LDLRAD3: variants seen among roughly 807,000 people sequenced by gnomAD.
The protein encoded by LDLRAD3 is low density lipoprotein receptor class A domain containing 3, also known as low-density lipoprotein receptor class A domain-containing protein 3.
In LDLRAD3, 20 loss-of-function variants were observed where a neutral mutation model predicts 29.4. That is an observed-to-expected ratio of 0.68 (90% CI 0.48 to 0.99). The LOEUF (loss-of-function observed/expected upper bound fraction) is 0.99, where lower values mean the gene tolerates loss of function less well. Among genes scored for constraint, LDLRAD3 ranks in the 50% least tolerant of loss-of-function variants. The probability of loss-of-function intolerance (pLI) is 0.00; values close to 1 mark genes in which losing one functional copy is unlikely to be tolerated. For missense variants in LDLRAD3, 420 were observed against 454.3 expected (o/e 0.92, Z 0.69); for synonymous variants, 157 against 192.7 (o/e 0.81, Z 1.53).
rs1031865427 is a variant in LDLRAD3, at chr11:35,978,475, C to T, written c.46+34331C>T. 3.3e-5 allele frequency among the ~76,000 whole-genome samples: 5 copies of T among 152,332 alleles called. No homozygotes were observed. In the East Asian group the frequency reaches 9.6e-4, roughly 29 times the overall value. On this transcript the variant is annotated intron_variant, in intron 1 of 5. Coordinates refer to ENST00000315571, the MANE Select transcript of LDLRAD3 (RefSeq NM_174902.4). ...AAATGTGTTTGCTGTCGTGGTAGCT[C>T]TTCTTGATGTACTAAACTCCTTGAT... is the stretch of plus-strand genomic sequence containing the variant.
At chr11:36,163,289 A>G (rs1225521846) in intron 4 of LDLRAD3, 1 of 152,276 alleles carries the variant, frequency 6.6e-6, no homozygotes, top group East Asian at 1.9e-4. Flanking sequence ...AAAAGAGTCT[A>G]TTCCCTTCCA....
At chr11:36,032,885 T>C (rs1852253188) in intron 1 of LDLRAD3, among the ~76,000 whole-genome samples, 1 of 152,066 alleles carries the variant, frequency 6.6e-6, no homozygotes, top group Non-Finnish European at 1.5e-5. Flanking sequence ...TCATGCCTTT[T>C]TTTTTTTAGA....
At position 36,170,072 on chromosome 11, in the gene LDLRAD3, T is replaced by C. The variant is rs1854572913; in HGVS notation, c.455-57013T>C. ...AGTGCATTATATCATTCTCACGCCTTTGCCTCCTCATAGCTTAGCTCCCAC... is the reference window on the plus strand; with the variant it reads ...AGTGCATTATATCATTCTCACGCCTCTGCCTCCTCATAGCTTAGCTCCCAC... On this transcript the variant is annotated intron_variant, in intron 4 of 5. Coordinates refer to ENST00000315571, the MANE Select transcript of LDLRAD3 (RefSeq NM_174902.4). 2.0e-5 allele frequency among the ~76,000 whole-genome samples: 3 copies of C among 152,102 alleles called. No individual in the cohort carries two copies. The South Asian group carries it at 6.2e-4, about 32-fold the overall frequency.
At chr11:36,157,606 A>T (rs865930506) in intron 4 of LDLRAD3, among the ~76,000 whole-genome samples, 8 of 152,264 alleles carry the variant, frequency 5.3e-5, no homozygotes, top group Middle Eastern at 3.4e-3. Flanking sequence ...GGGGGTCATG[A>T]TAAGGGAAGG....
intron 4 of LDLRAD3, among the ~76,000 whole-genome samples, chr11:36,177,084 C>T (rs1464071617): frequency 6.6e-6 from 1 of 151,756 alleles, no homozygotes; most frequent in Non-Finnish European, 1.5e-5. Flanking sequence ...AAGTTCTTTC[C>T]TCTACTTGTT....
rs141768320 is a variant in LDLRAD3 at position 36,221,201 on chromosome 11, G to A, written c.455-5884G>A. Among the ~76,000 whole-genome samples the A allele has an allele frequency of 9.6e-4, 146 of 152,090 alleles. 1 individual carries two copies. In the East Asian group the frequency reaches 0.026, roughly 27 times the overall value. On this transcript the variant is annotated intron_variant, in intron 4 of 5. Transcript: ENST00000315571. ...CATCTCTACTAAGTATATAAAATTA[G>A]CCAGGCATGGTGGGTGTCATGCGCT...
At chr11:35,974,364 C>T (rs1474036489) in intron 1 of LDLRAD3, among the ~76,000 whole-genome samples, 2 of 151,962 alleles carry the variant, frequency 1.3e-5, no homozygotes, top group Non-Finnish European at 2.9e-5. Flanking sequence ...CATTCTTGCT[C>T]ACTGACTTGA....
chr11:36,099,916 C>G (rs1853420313), intron 4 of LDLRAD3, among the ~76,000 whole-genome samples: 1 of 152,170 alleles, frequency 6.6e-6, no homozygotes, highest in Admixed American at 6.5e-5. Context: ...TTCTGATTGT[C>G]TTTGCCTGGA....
intron 1 of LDLRAD3, among the ~76,000 whole-genome samples, chr11:35,951,829 G>A (rs1055356935): frequency 6.6e-6 from 1 of 152,184 alleles, no homozygotes; most frequent in African/African-American, 2.4e-5. Context: ...GACGAAATAG[G>A]AACAGCTGTG....
At chr11:36,229,062 G>A in intron 5 of LDLRAD3, 98 bp from the exon 6 acceptor site, 1 of 801,744 alleles carries the variant, frequency 1.2e-6, no homozygotes, top group Non-Finnish European at 2.1e-6. Flanking sequence ...TGGAAACACT[G>A]TCTCAGAAAT....
intron 4 of LDLRAD3, among the ~76,000 whole-genome samples, chr11:36,158,992 G>T (rs1854395307): frequency 6.6e-6 from 1 of 152,068 alleles, no homozygotes; most frequent in Non-Finnish European, 1.5e-5. Flanking sequence ...AACTATAGCT[G>T]CCCTACTGTG....
At chr11:35,973,544 A>G (rs552643016) in intron 1 of LDLRAD3, among the ~76,000 whole-genome samples, 78 of 152,112 alleles carry the variant, frequency 5.1e-4, no homozygotes, top group South Asian at 1.9e-3. Context: ...TGCTCACTGC[A>G]ACCTCAGCCT....
intron 1 of LDLRAD3, among the ~76,000 whole-genome samples, chr11:36,032,434 T>C (rs1044483146): frequency 2.0e-5 from 3 of 152,090 alleles, no homozygotes; most frequent in Non-Finnish European, 4.4e-5. Context: ...GGAGAACCCA[T>C]CAGTGCATTT....
chr11:35,995,055 A>G (rs867989023), intron 1 of LDLRAD3, among the ~76,000 whole-genome samples: 2 of 152,194 alleles, frequency 1.3e-5, no homozygotes, highest in African/African-American at 2.4e-5. Context: ...TGATGTTGAT[A>G]TTTTGACCTC....
intron 4 of LDLRAD3, among the ~76,000 whole-genome samples, chr11:36,147,504 C>G (rs1282000837): frequency 6.6e-6 from 1 of 152,200 alleles, no homozygotes; most frequent in Non-Finnish European, 1.5e-5. Flanking sequence ...TTCCTTAACT[C>G]AATTACATCT....
intron 1 of LDLRAD3, among the ~76,000 whole-genome samples, chr11:35,951,998 A>G (rs1851141470): frequency 1.3e-5 from 2 of 152,232 alleles, no homozygotes; most frequent in African/African-American, 2.4e-5. Context: ...TTCGGCTCTT[A>G]TATACCTACC....
chr11:36,211,068 T>C (rs760277040), intron 4 of LDLRAD3, among the ~76,000 whole-genome samples: 1 of 152,230 alleles, frequency 6.6e-6, no homozygotes, highest in Non-Finnish European at 1.5e-5. Flanking sequence ...CATTGTAGTA[T>C]TGGTCTCCTC....
intron 4 of LDLRAD3, among the ~76,000 whole-genome samples, chr11:36,170,809 T>C (rs1163681775): frequency 1.3e-5 from 2 of 151,590 alleles, no homozygotes; most frequent in Non-Finnish European, 3.0e-5. Context: ...ATCTTCTTTT[T>C]TTTTTTTTTT....
chr11:36,132,649 G>A (rs976426308), intron 4 of LDLRAD3, among the ~76,000 whole-genome samples: 2 of 152,174 alleles, frequency 1.3e-5, no homozygotes, highest in African/African-American at 4.8e-5. Flanking sequence ...TTTTTAATTC[G>A]GGTTTCAGGT....
Sources: allele counts gnomAD v4.1 joint callset (sites outside exome capture counted in the v4.1 genomes callset), GRCh38; gene constraint gnomAD v4.1.1; transcripts MANE v1.5; gene names NCBI Gene and HGNC (gene_info 2026-07-23, HGNC 2026-07-21).